Variants in BRINP3 observed in about 807,000 individuals in gnomAD.
BRINP3 encodes the protein BMP/retinoic acid-inducible neural-specific protein 3.
BRINP3 carries 19 observed loss-of-function variants against 71.0 expected under a neutral mutation model. That is an observed-to-expected ratio of 0.27 (90% confidence interval 0.19 to 0.39). BRINP3 has a LOEUF of 0.39. BRINP3 is among the 10% of genes least tolerant of loss of function. BRINP3 has a pLI of 1.00. For synonymous variants in BRINP3, 380 were observed against 337.7 expected (o/e 1.13, Z -1.37); for missense variants, 959 against 940.8 (o/e 1.02, Z -0.25).
intron 2 of BRINP3, among the ~76,000 whole-genome samples, chr1:190,376,717 T>G (rs1293711004): frequency 6.6e-6 from 1 of 152,108 alleles, no homozygotes; most frequent in Non-Finnish European, 1.5e-5. Flanking sequence ...TATTAATTGA[T>G]AGTGAATCTA....
intron 4 of BRINP3, among the ~76,000 whole-genome samples, chr1:190,245,420 T>G (rs1305099275): frequency 1.3e-5 from 2 of 151,898 alleles, no homozygotes; most frequent in Admixed American, 1.3e-4. Flanking sequence ...CAAATAATTA[T>G]TAAAATTCTA....
intron 2 of BRINP3, among the ~76,000 whole-genome samples, chr1:190,386,464 TAAAC>T (rs1670917886): frequency 6.6e-6 from 1 of 151,768 alleles, no homozygotes; most frequent in South Asian, 2.1e-4. Context: ...TTTAAATGTC[TAAAC>T]AAATAAGTAT....
At chr1:190,401,024 G>C (rs1257538877) in intron 2 of BRINP3, among the ~76,000 whole-genome samples, 1 of 152,104 alleles carries the variant, frequency 6.6e-6, no homozygotes, top group Non-Finnish European at 1.5e-5. Context: ...CAGGCATATT[G>C]TGGCCTTGAA....
chr1:190,289,579 T>C (rs1377080774), intron 2 of BRINP3, among the ~76,000 whole-genome samples: 1 of 151,982 alleles, frequency 6.6e-6, no homozygotes, highest in Non-Finnish European at 1.5e-5. Context: ...AGAATACAAT[T>C]TTACACACAA....
At chr1:190,253,382 C>T (rs539063080) in intron 4 of BRINP3, among the ~76,000 whole-genome samples, 1 of 152,262 alleles carries the variant, frequency 6.6e-6, no homozygotes, top group South Asian at 2.1e-4. Context: ...CTAGTTTACA[C>T]TCCCATCAAC....
chr1:190,280,155 G>T (rs544839075), intron 3 of BRINP3, among the ~76,000 whole-genome samples: 3 of 151,940 alleles, frequency 2.0e-5, no homozygotes, highest in Non-Finnish European at 4.4e-5. Flanking sequence ...GAACAATGGG[G>T]TTCACTGGGC....
intron 2 of BRINP3, among the ~76,000 whole-genome samples, chr1:190,435,536 A>G (rs888744776): frequency 6.6e-6 from 1 of 152,050 alleles, no homozygotes; most frequent in Non-Finnish European, 1.5e-5. Flanking sequence ...GGTTAGAATT[A>G]TTGTTTATTT....
chr1:190,399,289 T>G (rs952290926), intron 2 of BRINP3, among the ~76,000 whole-genome samples: 1 of 152,020 alleles, frequency 6.6e-6, no homozygotes, highest in South Asian at 2.1e-4. Flanking sequence ...TAGTATACTT[T>G]GAAAAGAAAT....
At chr1:190,371,494 GT>G (rs2102192301) in intron 2 of BRINP3, among the ~76,000 whole-genome samples, 1 of 152,076 alleles carries the variant, frequency 6.6e-6, no homozygotes, top group East Asian at 1.9e-4. Context: ...ATATTTGTAG[GT>G]TTCTTTCTGG....
intron 2 of BRINP3, among the ~76,000 whole-genome samples, chr1:190,394,589 C>T (rs912004034): frequency 6.6e-5 from 10 of 151,378 alleles, no homozygotes; most frequent in African/African-American, 2.4e-4. Flanking sequence ...TAAAATATCA[C>T]ATATCTATTA....
intron 7 of BRINP3, among the ~76,000 whole-genome samples, chr1:190,129,715 A>G (rs1654377658): frequency 6.6e-6 from 1 of 151,926 alleles, no homozygotes; most frequent in African/African-American, 2.4e-5. Context: ...TTCTCCCAAA[A>G]GTTTAGGACA....
intron 6 of BRINP3, among the ~76,000 whole-genome samples, chr1:190,197,066 T>C (rs962998918): frequency 6.6e-6 from 1 of 151,974 alleles, no homozygotes; most frequent in Non-Finnish European, 1.5e-5. Context: ...AGTTCCACAT[T>C]GTGAGGCTGG....
At chr1:190,193,940 C>G (rs1320883089) in intron 6 of BRINP3, among the ~76,000 whole-genome samples, 1 of 152,108 alleles carries the variant, frequency 6.6e-6, no homozygotes, top group Non-Finnish European at 1.5e-5. Flanking sequence ...CAACTTTCCC[C>G]TAAATTATCC....
intron 2 of BRINP3, among the ~76,000 whole-genome samples, chr1:190,313,628 T>C (rs1665682954): frequency 6.6e-6 from 1 of 152,040 alleles, no homozygotes; most frequent in Non-Finnish European, 1.5e-5. Context: ...CTTACTGAGA[T>C]CTCAATAAGT....
At chr1:190,413,422 C>G (rs1268619431) in intron 2 of BRINP3, among the ~76,000 whole-genome samples, 1 of 152,132 alleles carries the variant, frequency 6.6e-6, no homozygotes, top group Non-Finnish European at 1.5e-5. Flanking sequence ...GAAAAAGTGT[C>G]TTTGCAGATA....
intron 2 of BRINP3, among the ~76,000 whole-genome samples, chr1:190,379,743 T>C (rs1044775229): frequency 2.9e-4 from 44 of 152,088 alleles, no homozygotes; most frequent in African/African-American, 1.0e-3. Context: ...TTCATGCCTG[T>C]AATCCCAGCA....
chr1:190,118,327 T>C (rs1372959658), intron 7 of BRINP3, among the ~76,000 whole-genome samples: 1 of 152,192 alleles, frequency 6.6e-6, no homozygotes, highest in East Asian at 1.9e-4. Context: ...CTTTAATTTT[T>C]ACTCTTAAAA....
At chr1:190,323,874 A>T (rs189218850) in intron 2 of BRINP3, among the ~76,000 whole-genome samples, 5 of 152,120 alleles carry the variant, frequency 3.3e-5, no homozygotes, top group African/African-American at 1.2e-4. Flanking sequence ...TTTATTTTTT[A>T]AATCTACAGT....
intron 2 of BRINP3, among the ~76,000 whole-genome samples, chr1:190,419,942 G>A (rs1673263055): frequency 6.6e-6 from 1 of 151,884 alleles, no homozygotes; most frequent in South Asian, 2.1e-4. Flanking sequence ...TGTTTTTCTT[G>A]AGAGGTTATA....
Sources: gnomAD v4.1 joint callset for allele counts (sites outside exome capture counted in the v4.1 genomes callset) on GRCh38, gnomAD v4.1.1 for gene constraint, MANE v1.5 for transcripts, NCBI Gene and HGNC (gene_info 2026-07-23, HGNC 2026-07-21) for gene names.